CALN1: variants seen among roughly 807,000 people sequenced by gnomAD.
The protein encoded by CALN1 is calcium-binding protein 8.
A neutral mutation model predicts 30.6 loss-of-function variants in CALN1; 17 were observed. That is an observed-to-expected ratio of 0.56 (90% CI 0.38 to 0.83). The LOEUF is 0.83. Ranked by LOEUF, CALN1 falls within the 40% of genes least tolerant of loss-of-function variation. The probability of loss-of-function intolerance (pLI) is 0.00; values close to 1 mark genes in which losing one functional copy is unlikely to be tolerated. For synonymous variants in CALN1, 156 were observed against 131.4 expected, an observed-to-expected ratio of 1.19 and a Z score of -1.28; for missense variants, 291 against 354.9, an observed-to-expected ratio of 0.82 and a Z score of 1.45.
intron 5 of CALN1, among the ~76,000 whole-genome samples, chr7:71,951,659 G>A (rs879608335): frequency 5.9e-5 from 9 of 152,094 alleles, no homozygotes; most frequent in Non-Finnish European, 1.3e-4. Context: ...AGTTTTTCCA[G>A]CTTCTGCAAG....
intron 2 of CALN1, among the ~76,000 whole-genome samples, chr7:72,354,842 A>G (rs1440279843): frequency 6.6e-6 from 1 of 152,178 alleles, no homozygotes; most frequent in African/African-American, 2.4e-5. Flanking sequence ...AAACTTTTAA[A>G]GAAAACCCAG....
chr7:72,354,889 CTTTT>C (rs543873177), intron 2 of CALN1, among the ~76,000 whole-genome samples: 3 of 144,056 alleles, frequency 2.1e-5, no homozygotes, highest in South Asian at 2.3e-4. Context: ...GCAAAAATTT[CTTTT>C]TTTTTTTCTT....
chr7:72,442,826 G>A (rs917450748), intron 1 of CALN1, among the ~76,000 whole-genome samples: 3 of 151,876 alleles, frequency 2.0e-5, no homozygotes, highest in Admixed American at 6.5e-5. Flanking sequence ...CTTTGTTAAG[G>A]GTTGTGCTTA....
intron 1 of CALN1, among the ~76,000 whole-genome samples, chr7:72,439,331 C>T (rs1386097185): frequency 6.6e-6 from 1 of 152,156 alleles, no homozygotes. Context: ...TATGCCCAGT[C>T]ACATATGACT....
intron 2 of CALN1, among the ~76,000 whole-genome samples, chr7:72,399,032 G>A (rs1256670825): frequency 2.0e-5 from 3 of 152,062 alleles, no homozygotes; most frequent in Non-Finnish European, 2.9e-5. Context: ...TCACTCCCTT[G>A]TGAGAACTTT....
chr7:72,128,162 A>G (rs1267010981), intron 3 of CALN1, among the ~76,000 whole-genome samples: 4 of 152,210 alleles, frequency 2.6e-5, no homozygotes, highest in African/African-American at 7.2e-5. Context: ...ATATTAAAAG[A>G]TATTTATTAC....
intron 2 of CALN1, among the ~76,000 whole-genome samples, chr7:72,332,923 C>T (rs567655881): frequency 2.6e-5 from 4 of 152,262 alleles, no homozygotes; most frequent in East Asian, 3.9e-4. Flanking sequence ...CCATTCACCA[C>T]GAAGTCTCCA....
chr7:71,852,078 C>T (rs1279785956), intron 5 of CALN1, among the ~76,000 whole-genome samples: 3 of 152,202 alleles, frequency 2.0e-5, no homozygotes, highest in South Asian at 2.1e-4. Context: ...GGAATGGTTT[C>T]GATATTCATC....
intron 2 of CALN1, among the ~76,000 whole-genome samples, chr7:72,330,282 G>A (rs1218763795): frequency 6.6e-6 from 1 of 151,984 alleles, no homozygotes; most frequent in Non-Finnish European, 1.5e-5. Flanking sequence ...GACACAGTGA[G>A]ACTCCATCTC....
intron 1 of CALN1, among the ~76,000 whole-genome samples, chr7:72,411,591 T>C (rs1194365502): frequency 6.6e-6 from 1 of 152,100 alleles, no homozygotes; most frequent in Non-Finnish European, 1.5e-5. Flanking sequence ...CAAATTGTAG[T>C]CTCAAAATAC....
chr7:71,925,543 T>C (rs1390891429), intron 5 of CALN1, among the ~76,000 whole-genome samples: 1 of 151,754 alleles, frequency 6.6e-6, no homozygotes, highest in African/African-American at 2.4e-5. Flanking sequence ...TATTTGTCTT[T>C]AGTTTTAAAA....
At chr7:72,042,234 A>G (rs1383822779) in intron 4 of CALN1, among the ~76,000 whole-genome samples, 1 of 152,220 alleles carries the variant, frequency 6.6e-6, no homozygotes, top group Non-Finnish European at 1.5e-5. Flanking sequence ...AGGAACCCCC[A>G]AGACCCATTA....
rs1474914911 is a variant in CALN1, at chr7:72,331,876, C to T, written c.120-53066G>A. ...CTCCCACCCTCCACCCTCTAACAGG[C>T]CCCAGTGTGTTTGTGCATCCCCATG... On this transcript the variant is annotated intron_variant, in intron 2 of 6. Coordinates refer to ENST00000395275, the MANE Select transcript of CALN1 (RefSeq NM_031468.4). Among the ~76,000 whole-genome samples the T allele has an allele frequency of 6.2e-5, 8 of 129,578 alleles. No homozygotes were observed. The East Asian group carries it at 8.3e-4, about 13-fold the overall frequency. The allele number at this position is 129,578 out of a possible 152,430, so 85.0% of individuals were successfully genotyped here.
At chr7:71,796,580 G>A (rs1048542135) in intron 6 of CALN1, among the ~76,000 whole-genome samples, 1 of 151,356 alleles carries the variant, frequency 6.6e-6, no homozygotes, top group Non-Finnish European at 1.5e-5. Context: ...GGCTGATCTC[G>A]AACTACTGAC....
In CALN1 at chr7:71,798,926, G is replaced by C. The variant is rs368273254; in HGVS notation, c.659-11024C>G. Among the ~76,000 whole-genome samples the C allele has an allele frequency of 5.3e-5, 8 of 152,120 alleles. No individual in the cohort carries two copies. The East Asian group carries it at 1.2e-3, about 22-fold the overall frequency. On this transcript the variant is annotated intron_variant, in intron 6 of 6. Coordinates refer to ENST00000395275, the MANE Select transcript of CALN1 (RefSeq NM_031468.4). ...GGCATGAGCCACCACGCCCAGCTGAGAGTCTTGATGAATATCCTTGATACC... is the reference window on the plus strand; with the variant it reads ...GGCATGAGCCACCACGCCCAGCTGACAGTCTTGATGAATATCCTTGATACC...
At chr7:71,865,582 T>A (rs1158746743) in intron 5 of CALN1, among the ~76,000 whole-genome samples, 2 of 152,234 alleles carry the variant, frequency 1.3e-5, no homozygotes, top group Admixed American at 1.3e-4. Flanking sequence ...GTTGGCTTTA[T>A]TTGCTATTAA....
At chr7:72,192,515 G>T (rs1790682073) in intron 3 of CALN1, among the ~76,000 whole-genome samples, 1 of 152,126 alleles carries the variant, frequency 6.6e-6, no homozygotes, top group Non-Finnish European at 1.5e-5. Flanking sequence ...TATCACGATG[G>T]ATTGTGATAG....
In CALN1 at chr7:72,214,463, A is replaced by G. The variant is rs188766350; in HGVS notation, c.244+64223T>C. Among the ~76,000 whole-genome samples, 622 of 152,204 alleles carry G rather than the reference A, an allele frequency of 4.1e-3. 5 individuals carry two copies. The highest frequency in any genetic ancestry group is 6.8e-3 in the Middle Eastern group (2 of 294). On this transcript the variant is annotated intron_variant, in intron 3 of 6. Coordinates refer to ENST00000395275, the MANE Select transcript of CALN1 (RefSeq NM_031468.4). ...CACTGCACTCCAGCCTGGGAGACAG[A>G]GCAGGACTCCATCTCAGAAAAAAAA... is the stretch of plus-strand genomic sequence containing the variant.
In CALN1 at chr7:72,219,729, C is replaced by A. The variant is rs78486273; in HGVS notation, c.244+58957G>T. ...ACACACGCACGTGCACACATACACA[C>A]AAGCATGCACGCACACACACACACA... On this transcript the variant is annotated intron_variant, in intron 3 of 6. Coordinates refer to ENST00000395275, the MANE Select transcript of CALN1 (RefSeq NM_031468.4). 3.6e-3 allele frequency among the ~76,000 whole-genome samples: 549 copies of A among 151,526 alleles called. 21 individuals carry two copies. In the East Asian group the frequency reaches 0.096, roughly 27 times the overall value.
Sources: gnomAD v4.1 joint callset for allele counts (sites outside exome capture counted in the v4.1 genomes callset) on GRCh38, gnomAD v4.1.1 for gene constraint, MANE v1.5 for transcripts, NCBI Gene and HGNC (gene_info 2026-07-23, HGNC 2026-07-21) for gene names.